The following SEMA3F variants were observed in gnomAD, a reference collection of about 807,000 sequenced individuals.
SEMA3F encodes the protein semaphorin 3F.
A neutral mutation model predicts 98.5 loss-of-function variants in SEMA3F; 30 were observed. The observed-to-expected ratio is 0.30, with a 90% CI of 0.23 to 0.41. SEMA3F has a LOEUF of 0.41. Among genes scored for constraint, SEMA3F ranks in the 10% least tolerant of loss-of-function variants. The pLI, the probability that SEMA3F is intolerant of heterozygous loss-of-function variation, is 1.00. For missense variants in SEMA3F, 866 were observed against 1,119.3 expected (o/e 0.77, Z 3.23); for synonymous variants, 380 against 444.8 (o/e 0.85, Z 1.83).
At chr3:50,181,866 C>T (rs1559734773) in intron 7 of SEMA3F, among the ~76,000 whole-genome samples, 1 of 150,872 alleles carries the variant, frequency 6.6e-6, no homozygotes, top group Non-Finnish European at 1.5e-5. Flanking sequence ...ATGATCCACC[C>T]ACCTGGGCCT....
In SEMA3F at chr3:50,182,438, G is replaced by A; in HGVS notation, c.763+35G>A. On this transcript the variant is annotated intron_variant, in intron 8 of 18. Transcript: ENST00000002829. This position sits in a 1 kb window ranked among gnomAD's most constrained non-coding sequence, Gnocchi z 4.5. ...GCCCCAGGAGCCCTTCCGTGGCCAT[G>A]TGTCTGGGATGCGGCAAGGAGGTCG... 2 of 1,611,678 alleles carry A rather than the reference G, an allele frequency of 1.2e-6. No individual in the cohort carries two copies. The highest frequency in any genetic ancestry group is 1.7e-6 in the Non-Finnish European group (2 of 1,179,830).
chr3:50,176,607 C>A (rs919104294), intron 6 of SEMA3F, among the ~76,000 whole-genome samples, 161 bp from the exon 7 acceptor site: 1 of 152,032 alleles, frequency 6.6e-6, no homozygotes, highest in African/African-American at 2.4e-5. Context: ...CCCTGGGAGA[C>A]CTGGCTGGAT....
intron 2 of SEMA3F, among the ~76,000 whole-genome samples, chr3:50,170,445 T>G (rs911703476): frequency 4.0e-5 from 6 of 151,886 alleles, no homozygotes; most frequent in African/African-American, 1.5e-4. Flanking sequence ...CTACAAGAGA[T>G]AGCGACACGT....
rs1352639047 is a variant in SEMA3F, at chr3:50,158,085, A to G, written c.-48-1490A>G. On this transcript the variant is annotated intron_variant, in intron 1 of 18. Coordinates refer to ENST00000002829, the MANE Select transcript of SEMA3F (RefSeq NM_004186.5). The surrounding 1 kb of genome is among the most constrained non-coding windows in gnomAD (Gnocchi z 4.8). ...CCACAGCTGTTATCAGGGGCCTCCC[A>G]GGTGCACCTTGAGGGTGACGGTGGC... is the stretch of plus-strand genomic sequence containing the variant. 6.6e-6 allele frequency among the ~76,000 whole-genome samples: 1 copy of G among 152,344 alleles called. No individual in the cohort carries two copies. Among genetic ancestry groups the G allele is most frequent in the South Asian group, 2.1e-4 (1 of 4,832 alleles).
At position 50,183,431 on chromosome 3, in the gene SEMA3F, G is replaced by C; in HGVS notation, c.1100G>C (p.Arg367Pro). ...TGCCATGCCCACAGCTCCGTGTTCC[G>C]AGGCTCTGCCGTGTGTGTCTACTCC... is the stretch of plus-strand genomic sequence containing the variant. The part of the protein sequence containing the change: ...AVFTSSGSVF[R>P]GSAVCVYSMA... The change falls in exon 12 of 19, where the codon CGA becomes CCA. Residue 367 changes from arginine (R) to proline (P), a missense_variant. Physicochemically the swap from Arg to Pro is moderately radical, Grantham distance 103. This residue lies in a region of SEMA3F where 374 missense variants were observed against 582.8 expected (regional missense o/e 0.64). Coordinates refer to ENST00000002829, the MANE Select transcript of SEMA3F (RefSeq NM_004186.5). The C allele has an allele frequency of 1.9e-6, 3 of 1,614,042 alleles. No homozygotes were observed. Among genetic ancestry groups the C allele is most frequent in the East Asian group, 4.5e-5 (2 of 44,876 alleles).
rs1409493065 is a variant in SEMA3F, at chr3:50,175,104, A to G, written c.465A>G (p.Pro155=). 4 of 1,600,430 alleles carry G rather than the reference A, an allele frequency of 2.5e-6. No homozygotes were observed. The highest frequency in any genetic ancestry group is 1.1e-5 in the South Asian group (1 of 90,418). The change falls in exon 6 of 19, where the codon CCA becomes CCG. Residue 155 remains proline (P), a synonymous_variant. Transcript: ENST00000002829. ...GTTCCTCGTCTTCTCAGGCCACACC[A>G]TGGACCCAGACTCAGGCGGTCAGAG... ...VNRGRRAQAT[P]WTQTQAVRGR... is the part of the protein sequence containing the mutation.
intron 18 of SEMA3F, 24 bp from the exon 19 acceptor site, chr3:50,187,681 A>G (rs1559741156): frequency 6.5e-7 from 1 of 1,547,816 alleles, no homozygotes; most frequent in Non-Finnish European, 8.8e-7. Context: ...AGAGCCTCTG[A>G]ACCCCCTCTC....
At chr3:50,174,976 T>TG in intron 5 of SEMA3F, 120 bp from the exon 6 acceptor site, 4 of 700,298 alleles carry the variant, frequency 5.7e-6, no homozygotes, top group Admixed American at 4.2e-5. Flanking sequence ...AGACGTGCTC[T>TG]GGGGGGCCCA....
chr3:50,182,630 C>T lies in SEMA3F; in HGVS notation c.764-14C>T, dbSNP rs780260287. On this transcript the variant is annotated splice_polypyrimidine_tract_variant and intron_variant, in intron 8 of 18. Coordinates refer to ENST00000002829, the MANE Select transcript of SEMA3F (RefSeq NM_004186.5). This position sits in a 1 kb window ranked among gnomAD's most constrained non-coding sequence, Gnocchi z 4.5. ...AGAGTAGGGGCTCACCCAGCTGACCCCTGCCACCTGCAGACCCGTCGTTCA... is the reference window on the plus strand; with the variant it reads ...AGAGTAGGGGCTCACCCAGCTGACCTCTGCCACCTGCAGACCCGTCGTTCA... 8 of 1,609,400 alleles carry T rather than the reference C, an allele frequency of 5.0e-6. No individual in the cohort carries two copies. The highest frequency in any genetic ancestry group is 5.1e-6 in the Non-Finnish European group (6 of 1,176,716).
Position 50,184,613 on chromosome 3 carries a change from C to A in SEMA3F, c.1255C>A (p.Pro419Thr). The A allele has an allele frequency of 1.9e-6, 3 of 1,613,786 alleles. No homozygotes were observed. The highest frequency in any genetic ancestry group is 2.5e-6 in the Non-Finnish European group (3 of 1,179,880). The change falls in exon 13 of 19, where the codon CCA (proline) becomes ACA (threonine). Residue 419 changes from proline (P) to threonine (T), a missense_variant. Pro to Thr is a conservative substitution (Grantham distance 38). Coordinates refer to ENST00000002829, the MANE Select transcript of SEMA3F (RefSeq NM_004186.5). ...ACAGTGCCCTGGTGGAACCTTCACGCCATCTATGAAGTCCACCAAGGATTA... is the reference window on the plus strand; with the variant it reads ...ACAGTGCCCTGGTGGAACCTTCACGACATCTATGAAGTCCACCAAGGATTA... ...PGTCPGGTFT[P>T]SMKSTKDYPD...
At chr3:50,165,902 T>C (rs1258573876) in intron 2 of SEMA3F, among the ~76,000 whole-genome samples, 4 of 152,104 alleles carry the variant, frequency 2.6e-5, no homozygotes, top group African/African-American at 9.7e-5. Context: ...TGGCCTAGGA[T>C]TGGGGGGCTA....
chr3:50,171,632 G>A (rs1378417913), intron 2 of SEMA3F, among the ~76,000 whole-genome samples: 1 of 152,182 alleles, frequency 6.6e-6, no homozygotes, highest in Non-Finnish European at 1.5e-5. Context: ...TCCACTGGCA[G>A]CCCCACTTCC....
At chr3:50,170,900 G>C (rs1194533722) in intron 2 of SEMA3F, among the ~76,000 whole-genome samples, 1 of 152,130 alleles carries the variant, frequency 6.6e-6, no homozygotes, top group African/African-American at 2.4e-5. Flanking sequence ...CGCAGGTCCT[G>C]AGTCATGTGC....
rs1273685923 is a variant in SEMA3F, at chr3:50,156,740, G to A, written c.-49+1176G>A. 6.6e-6 allele frequency among the ~76,000 whole-genome samples: 1 copy of A among 152,198 alleles called. No homozygotes were observed. Among genetic ancestry groups the A allele is most frequent in the African/African-American group, 2.4e-5 (1 of 41,452 alleles). ...CTGCTCCCCCTTCAGCTCCGAAGGA[G>A]CCAGGCCCGGAAGTGGGGAGGTGGG... On this transcript the variant is annotated intron_variant, in intron 1 of 18. Transcript: ENST00000002829. This position sits in a 1 kb window ranked among gnomAD's most constrained non-coding sequence, Gnocchi z 4.5.
chr3:50,171,725 C>T (rs551704566), intron 2 of SEMA3F, among the ~76,000 whole-genome samples: 105 of 152,222 alleles, frequency 6.9e-4, no homozygotes, highest in African/African-American at 1.5e-3. Context: ...GGCGGGTGAG[C>T]GGCCAGGCGG....
intron 2 of SEMA3F, among the ~76,000 whole-genome samples, chr3:50,169,591 C>G (rs1186894469): frequency 1.3e-5 from 2 of 152,216 alleles, no homozygotes; most frequent in Non-Finnish European, 2.9e-5. Flanking sequence ...CCCTTCCTCC[C>G]CCTAAGGTCA....
chr3:50,176,716 TC>T (rs1167786367), intron 6 of SEMA3F, 51 bp from the exon 7 acceptor site: 89 of 1,377,392 alleles, frequency 6.5e-5, no homozygotes, highest in Non-Finnish European at 8.8e-5. Context: ...CCCTTACACT[TC>T]CTGGCTGGGG....
chr3:50,178,316 AAAC>A (rs1383642440), intron 7 of SEMA3F, among the ~76,000 whole-genome samples: 4 of 152,188 alleles, frequency 2.6e-5, no homozygotes, highest in Non-Finnish European at 4.4e-5. Context: ...GCAGGCATGA[AAAC>A]AACATTTGTC....
intron 2 of SEMA3F, among the ~76,000 whole-genome samples, chr3:50,171,327 T>C (rs891387022): frequency 1.3e-5 from 2 of 152,160 alleles, no homozygotes; most frequent in African/African-American, 2.4e-5. Context: ...GGACTCGGAC[T>C]TGGGCCTCGG....
Sources: allele counts gnomAD v4.1 joint callset (sites outside exome capture counted in the v4.1 genomes callset), GRCh38; gene constraint gnomAD v4.1.1; regional missense constraint gnomAD v4.1.1; non-coding constraint Gnocchi (gnomAD v3.1); transcripts MANE v1.5; gene names NCBI Gene and HGNC (gene_info 2026-07-23, HGNC 2026-07-21).